BACH2: variants seen among roughly 807,000 people sequenced by gnomAD.
BACH2 encodes the protein BACH transcriptional regulator 2.
A neutral mutation model predicts 61.8 loss-of-function variants in BACH2; 5 were observed. The ratio of observed to expected loss-of-function variants is 0.08; its 90% CI spans 0.04 to 0.17. BACH2 has a LOEUF of 0.17. BACH2 is among the 10% of genes least tolerant of loss of function. The probability of loss-of-function intolerance (pLI) is 1.00; values close to 1 mark genes in which losing one functional copy is unlikely to be tolerated. For missense variants in BACH2, 824 were observed against 1,091.1 expected, an observed-to-expected ratio of 0.76 and a Z score of 3.45; for synonymous variants, 446 against 440.1, an observed-to-expected ratio of 1.01 and a Z score of -0.17.
chr6:90,055,248 CTAGAA>C (rs1780271404), intron 5 of BACH2, among the ~76,000 whole-genome samples: 1 of 152,062 alleles, frequency 6.6e-6, no homozygotes, highest in Non-Finnish European at 1.5e-5. Context: ...GAACGGATAA[CTAGAA>C]TAATCAATGC....
chr6:90,105,068 G>A (rs1371634221), intron 4 of BACH2, among the ~76,000 whole-genome samples: 1 of 152,202 alleles, frequency 6.6e-6, no homozygotes, highest in Non-Finnish European at 1.5e-5. Context: ...TTGTGCCTTT[G>A]TCTGGAGCCC....
intron 6 of BACH2, among the ~76,000 whole-genome samples, chr6:90,006,760 G>C (rs1194167761): frequency 1.3e-5 from 2 of 152,064 alleles, no homozygotes; most frequent in African/African-American, 4.8e-5. Context: ...GAGACCACAG[G>C]TGTGTGCCAC....
At chr6:89,943,406 T>A (rs1773551210) in intron 7 of BACH2, among the ~76,000 whole-genome samples, 1 of 151,942 alleles carries the variant, frequency 6.6e-6, no homozygotes, top group African/African-American at 2.4e-5. Flanking sequence ...CATTGAAAAA[T>A]TATATAAGTA....
At chr6:90,191,298 A>G (rs866824600) in intron 4 of BACH2, among the ~76,000 whole-genome samples, 7 of 152,212 alleles carry the variant, frequency 4.6e-5, no homozygotes, top group African/African-American at 1.2e-4. Flanking sequence ...TCTGAATCAA[A>G]CACTGCTCAC....
chr6:90,058,648 A>C (rs1462301744), intron 5 of BACH2, among the ~76,000 whole-genome samples: 1 of 152,168 alleles, frequency 6.6e-6, no homozygotes, highest in East Asian at 1.9e-4. Context: ...GGAACCAAAA[A>C]AGAGCCCGCA....
chr6:90,148,693 C>T (rs561331425), intron 4 of BACH2, among the ~76,000 whole-genome samples: 1 of 152,278 alleles, frequency 6.6e-6, no homozygotes, highest in South Asian at 2.1e-4. Context: ...GTTTTACACA[C>T]ACACACACAC....
intron 2 of BACH2, among the ~76,000 whole-genome samples, chr6:90,262,415 A>G (rs1771189922): frequency 6.6e-6 from 1 of 152,164 alleles, no homozygotes; most frequent in Admixed American, 6.5e-5. Flanking sequence ...TTCCCAGGCC[A>G]TTCAAGTGGC....
chr6:90,220,490 G>A (rs1433158471), intron 3 of BACH2, among the ~76,000 whole-genome samples: 1 of 152,180 alleles, frequency 6.6e-6, no homozygotes, highest in East Asian at 1.9e-4. Flanking sequence ...TGTTTATTCA[G>A]GCTAACAAGG....
intron 5 of BACH2, among the ~76,000 whole-genome samples, chr6:90,031,492 C>A (rs562276185): frequency 6.6e-6 from 1 of 152,104 alleles, no homozygotes; most frequent in African/African-American, 2.4e-5. Flanking sequence ...AGCTGATAGG[C>A]AACTTCAGCA....
At position 90,181,437 on chromosome 6, in the gene BACH2, T is replaced by C. The variant is rs1421145572; in HGVS notation, c.-162+25132A>G. Among the ~76,000 whole-genome samples, 33 of 151,630 alleles carry C rather than the reference T, an allele frequency of 2.2e-4. 1 individual carries two copies. Among genetic ancestry groups the C allele is most frequent in the Non-Finnish European group, 5.9e-5 (4 of 67,880 alleles). ...AGAAGGGAAAAGAGGAGGAGAGTGA[T>C]CCAGACAAAAGAGGAAAAGTTGTTG... On this transcript the variant is annotated intron_variant, in intron 4 of 8. Transcript: ENST00000257749.
intron 6 of BACH2, among the ~76,000 whole-genome samples, chr6:89,987,181 C>G: frequency 6.6e-6 from 1 of 152,076 alleles, no homozygotes; most frequent in East Asian, 1.9e-4. Flanking sequence ...AAATAGATGT[C>G]AAATCCTGTA....
chr6:90,260,575 C>A (rs972805375), intron 2 of BACH2, among the ~76,000 whole-genome samples: 4 of 152,148 alleles, frequency 2.6e-5, no homozygotes, highest in Non-Finnish European at 4.4e-5. Flanking sequence ...GCCAAAAATG[C>A]AATTCAAGTC....
At chr6:90,296,317 G>C (rs1373072711) in intron 1 of BACH2, among the ~76,000 whole-genome samples, 163 bp downstream of exon 1, 3 of 151,436 alleles carry the variant, frequency 2.0e-5, no homozygotes, top group Non-Finnish European at 3.0e-5. Flanking sequence ...CCATAAAAGC[G>C]GGCAGGGCGC....
intron 4 of BACH2, among the ~76,000 whole-genome samples, chr6:90,138,663 T>A (rs1192532778): frequency 6.6e-6 from 1 of 151,562 alleles, no homozygotes; most frequent in African/African-American, 2.4e-5. Flanking sequence ...CTGAGGCGAA[T>A]TCATTAAATC....
In BACH2 at chr6:89,950,652, A is replaced by G; in HGVS notation, c.1454T>C (p.Leu485Pro). The G allele has an allele frequency of 1.2e-6, 2 of 1,614,168 alleles. No individual in the cohort carries two copies. The highest frequency in any genetic ancestry group is 1.7e-6 in the Non-Finnish European group (2 of 1,180,014). ...CCTTCCTGGCAAGTGGTCGGCCATC[A>G]GCCCACCGTGGGAGTAGGCCTGCGA... is the stretch of plus-strand genomic sequence containing the variant. ...PSSQAYSHGG[L>P]MADHLPGRMR... Residue 485 changes from leucine (L) to proline (P), a missense_variant, in exon 7 of 9, where the codon CTG becomes CCG. Physicochemically the swap from Leu to Pro is moderately conservative, Grantham distance 98. Around this residue, in one of 8 missense-constraint regions of BACH2, gnomAD observed 102 missense variants for 98.1 expected, o/e 1.04. Transcript: ENST00000257749. The surrounding 1 kb of genome is among the most constrained non-coding windows in gnomAD (Gnocchi z 5.3).
intron 4 of BACH2, among the ~76,000 whole-genome samples, chr6:90,134,247 T>C (rs149164660): frequency 6.6e-6 from 1 of 152,340 alleles, no homozygotes; most frequent in African/African-American, 2.4e-5. Context: ...TGGTGTGAGA[T>C]GGTATCTCAT....
In BACH2 at chr6:90,189,697, T is replaced by C. The variant is rs1319530860; in HGVS notation, c.-162+16872A>G. Among the ~76,000 whole-genome samples the C allele has an allele frequency of 3.3e-5, 5 of 152,152 alleles. No individual in the cohort carries two copies. In the East Asian group the frequency reaches 9.7e-4, roughly 29 times the overall value. On this transcript the variant is annotated intron_variant, in intron 4 of 8. Transcript: ENST00000257749. Reference sequence around the variant, plus strand: ...CTGGACAGGGGATGCTACTTAATTCTTTTTCTTCCCTACCAGAAGGAGGAG... The same window carrying C: ...CTGGACAGGGGATGCTACTTAATTCCTTTTCTTCCCTACCAGAAGGAGGAG...
At chr6:89,986,047 T>A (rs6908310) in intron 6 of BACH2, among the ~76,000 whole-genome samples, 1 of 152,064 alleles carries the variant, frequency 6.6e-6, no homozygotes, top group Non-Finnish European at 1.5e-5. Flanking sequence ...GCCTTGCATC[T>A]GAGAAAGGCA....
chr6:90,208,957 A>G (rs1769245639), intron 3 of BACH2, among the ~76,000 whole-genome samples: 1 of 151,990 alleles, frequency 6.6e-6, no homozygotes, highest in Middle Eastern at 3.2e-3. Flanking sequence ...ACAAGAAGGG[A>G]AAACTAAACA....
Sources: gnomAD v4.1 joint callset for allele counts (sites outside exome capture counted in the v4.1 genomes callset) on GRCh38, gnomAD v4.1.1 for gene constraint, gnomAD v4.1.1 regional missense constraint, Gnocchi (gnomAD v3.1) non-coding constraint, MANE v1.5 for transcripts, NCBI Gene and HGNC (gene_info 2026-07-23, HGNC 2026-07-21) for gene names.